ST8SIA1: variants seen among roughly 807,000 people sequenced by gnomAD.
The protein encoded by ST8SIA1 is ST8 alpha-N-acetyl-neuraminide alpha-2,8-sialyltransferase 1, also known as alpha-N-acetylneuraminide alpha-2,8-sialyltransferase.
A neutral mutation model predicts 35.9 loss-of-function variants in ST8SIA1; 16 were observed. The ratio of observed to expected loss-of-function variants is 0.45; its 90% CI spans 0.30 to 0.68. The LOEUF (loss-of-function observed/expected upper bound fraction) is 0.68. Among genes scored for constraint, ST8SIA1 ranks in the 30% least tolerant of loss-of-function variants. ST8SIA1 has a pLI of 0.09. For synonymous variants in ST8SIA1, 170 were observed against 169.6 expected (o/e 1.00, Z -0.02); for missense variants, 383 against 453.6 (o/e 0.84, Z 1.41).
In ST8SIA1 at chr12:22,201,100, A is replaced by C. The variant is rs1803638; in HGVS notation, c.*452T>G. 1 of 152,218 alleles carries C rather than the reference A, an allele frequency of 6.6e-6. No individual in the cohort carries two copies. The highest frequency in any genetic ancestry group is 1.5e-5 in the Non-Finnish European group (1 of 68,164). 9.4% of individuals were successfully genotyped at this position (152,218 alleles called of 1,614,324 possible). On this transcript the variant is annotated 3_prime_UTR_variant, in exon 5 of 5. Coordinates refer to ENST00000396037, the MANE Select transcript of ST8SIA1 (RefSeq NM_003034.4). The stretch of plus-strand genomic sequence containing the variant: ...GGGCAAAAATAAATAATAATTTTTT[A>C]AAAAAACCTACGGTTCTAAAGCCAG...
At position 22,268,809 on chromosome 12, in the gene ST8SIA1, G is replaced by C. The variant is rs114461243; in HGVS notation, c.382-13420C>G. Among the ~76,000 whole-genome samples the C allele has an allele frequency of 3.5e-3, 535 of 152,234 alleles. 3 individuals carry two copies. Among genetic ancestry groups the C allele is most frequent in the African/African-American group, 0.012 (500 of 41,544 alleles). On this transcript the variant is annotated intron_variant, in intron 2 of 4. Coordinates refer to ENST00000396037, the MANE Select transcript of ST8SIA1 (RefSeq NM_003034.4). Reference sequence around the variant, plus strand: ...CAATTCAAGATGGGAGCTGGGTGGGGACACAGCCAAACCAAAACCATATCA... The same window carrying C: ...CAATTCAAGATGGGAGCTGGGTGGGCACACAGCCAAACCAAAACCATATCA...
chr12:22,299,878 G>T (rs1188605189), intron 1 of ST8SIA1, among the ~76,000 whole-genome samples: 1 of 151,926 alleles, frequency 6.6e-6, no homozygotes, highest in African/African-American at 2.4e-5. Context: ...TCTGTTTGTT[G>T]TGGCCTGATG....
intron 4 of ST8SIA1, among the ~76,000 whole-genome samples, chr12:22,206,971 T>TA (rs1412099051): frequency 1.3e-5 from 2 of 152,138 alleles, no homozygotes; most frequent in Admixed American, 1.3e-4. Context: ...GCTGGCAATT[T>TA]AAAAAATATA....
intron 2 of ST8SIA1, among the ~76,000 whole-genome samples, chr12:22,271,384 T>C (rs1865910021): frequency 1.3e-5 from 2 of 152,182 alleles, no homozygotes; most frequent in Non-Finnish European, 2.9e-5. Flanking sequence ...TCTATATGAA[T>C]ATACATAACA....
intron 1 of ST8SIA1, among the ~76,000 whole-genome samples, chr12:22,297,818 G>A (rs1395334395): frequency 6.6e-6 from 1 of 152,106 alleles, no homozygotes; most frequent in Non-Finnish European, 1.5e-5. Flanking sequence ...ACTCAAAAAT[G>A]ATGTCTTTTT....
intron 3 of ST8SIA1, chr12:22,250,733 G>A (rs142123338): frequency 6.6e-6 from 1 of 152,294 alleles, no homozygotes; most frequent in African/African-American, 2.4e-5. Context: ...TATTTACCCT[G>A]TGAGTATCAA....
chr12:22,266,645 T>A (rs908962826), intron 2 of ST8SIA1, among the ~76,000 whole-genome samples: 2 of 151,902 alleles, frequency 1.3e-5, no homozygotes, highest in African/African-American at 2.4e-5. Context: ...ATATATTTTT[T>A]AATTAGCCTA....
chr12:22,207,207 T>C lies in ST8SIA1; in HGVS notation c.585-5169A>G, dbSNP rs182294245. Among the ~76,000 whole-genome samples, 853 of 152,322 alleles carry C rather than the reference T, an allele frequency of 5.6e-3. 1 individual carries two copies. Among genetic ancestry groups the C allele is most frequent in the Middle Eastern group, 0.02 (6 of 294 alleles). ...TGCTGCATGGAAGGGCTTTATGCAC[T>C]CTGGGAGAAAATTTACATGTGGACA... On this transcript the variant is annotated intron_variant, in intron 4 of 4. Coordinates refer to ENST00000396037, the MANE Select transcript of ST8SIA1 (RefSeq NM_003034.4).
intron 4 of ST8SIA1, among the ~76,000 whole-genome samples, chr12:22,208,312 A>C (rs1865137899): frequency 6.6e-6 from 1 of 152,138 alleles, no homozygotes; most frequent in African/African-American, 2.4e-5. Flanking sequence ...GAAATCTGTC[A>C]ATATTTGAAG....
At position 22,334,003 on chromosome 12, in the gene ST8SIA1, G is replaced by A. The variant is rs376548339; in HGVS notation, c.230C>T (p.Ala77Val). Residue 77 changes from alanine (A) to valine (V), a missense_variant, in exon 1 of 5, where the codon GCG becomes GTG. Ala to Val is a moderately conservative substitution (Grantham distance 64). Coordinates refer to ENST00000396037, the MANE Select transcript of ST8SIA1 (RefSeq NM_003034.4). ...GCCGCGAGGGCAGGAGTACCTGAAC[G>A]CTCTGGCCGCGGTCTGGTTCCTCCT... ...AWRRNQTAAR[A>V]FRKQMEDCCD... The A allele has an allele frequency of 1.7e-5, 27 of 1,613,612 alleles. 1 individual carries two copies. The highest frequency in any genetic ancestry group is 3.3e-4 in the Middle Eastern group (2 of 6,082).
chr12:22,273,712 T>C (rs1865938397), intron 2 of ST8SIA1, among the ~76,000 whole-genome samples: 1 of 152,180 alleles, frequency 6.6e-6, no homozygotes, highest in South Asian at 2.1e-4. Flanking sequence ...AGGATACACT[T>C]GGTGATTGTA....
At chr12:22,326,181 G>T in intron 1 of ST8SIA1, 1 of 334,180 alleles carries the variant, frequency 3.0e-6, no homozygotes, top group Non-Finnish European at 5.4e-6. Flanking sequence ...CAGGGACCAC[G>T]TTCTTGTATT....
At chr12:22,261,167 CAG>C (rs1865786970) in intron 2 of ST8SIA1, among the ~76,000 whole-genome samples, 1 of 152,044 alleles carries the variant, frequency 6.6e-6, no homozygotes, top group South Asian at 2.1e-4. Context: ...TGTTTTGAGA[CAG>C]AGTCTTGTTC....
At position 22,249,009 on chromosome 12, in the gene ST8SIA1, T is replaced by G. The variant is rs1232054678; in HGVS notation, c.581A>C (p.Gln194Pro). ...LVTANPSIIRQRFQNLLWSRK... is the reference protein window; with the variant it reads ...LVTANPSIIRPRFQNLLWSRK... ...AACAGAAGTCATAAACTCTTACCTT[T>G]GCCGAATTATGCTGGGATTAGCTGT... Residue 194 changes from glutamine to proline, a missense_variant, in exon 4 of 5, where the codon CAA becomes CCA. Gln to Pro is a moderately conservative substitution (Grantham distance 76, BLOSUM62 -1). Transcript: ENST00000396037. 6.2e-7 allele frequency: 1 copy of G among 1,612,100 alleles called. No individual in the cohort carries two copies. Among genetic ancestry groups the G allele is most frequent in the African/African-American group, 1.3e-5 (1 of 74,878 alleles).
intron 3 of ST8SIA1, among the ~76,000 whole-genome samples, chr12:22,251,208 C>T (rs116711910): frequency 1.6e-3 from 238 of 152,326 alleles, no homozygotes; most frequent in African/African-American, 5.2e-3. Context: ...AGCTATGTTA[C>T]GCTAAAACTG....
At chr12:22,263,814 G>A (rs1038567232) in intron 2 of ST8SIA1, among the ~76,000 whole-genome samples, 2 of 152,168 alleles carry the variant, frequency 1.3e-5, no homozygotes, top group African/African-American at 4.8e-5. Flanking sequence ...CAATCAAGAA[G>A]AATCAATAGC....
chr12:22,202,816 C>T (rs1865064204), intron 4 of ST8SIA1, among the ~76,000 whole-genome samples: 1 of 152,140 alleles, frequency 6.6e-6, no homozygotes, highest in Admixed American at 6.5e-5. Context: ...CATTTAAATA[C>T]ACTTCTTATA....
rs112035146 is a variant in ST8SIA1 at position 22,259,935 on chromosome 12, T to C, written c.382-4546A>G. 7.6e-3 allele frequency among the ~76,000 whole-genome samples: 1,163 copies of C among 152,272 alleles called. 6 individuals are homozygous for C. The highest frequency in any genetic ancestry group is 0.011 in the Non-Finnish European group (774 of 68,020). ...ATATAGAAAGAAGTTTGGTCATCCA[T>C]TGCCACATGAATATTACTATTTTAA... On this transcript the variant is annotated intron_variant, in intron 2 of 4. Transcript: ENST00000396037.
intron 2 of ST8SIA1, among the ~76,000 whole-genome samples, chr12:22,277,106 C>T (rs1865978652): frequency 6.6e-6 from 1 of 152,096 alleles, no homozygotes; most frequent in South Asian, 2.1e-4. Context: ...TTTCAGGTTC[C>T]CTTTCTTAGA....
Sources: gnomAD v4.1 joint callset for allele counts (sites outside exome capture counted in the v4.1 genomes callset) on GRCh38, gnomAD v4.1.1 for gene constraint, MANE v1.5 for transcripts, NCBI Gene and HGNC (gene_info 2026-07-23, HGNC 2026-07-21) for gene names.